GAN: variants seen among roughly 807,000 people sequenced by gnomAD.
GAN encodes the protein epididymis secretory sperm binding protein.
In GAN, 48 loss-of-function variants were observed where a neutral mutation model predicts 71.3. That is an observed-to-expected ratio of 0.67 (90% confidence interval 0.53 to 0.86). The LOEUF (loss-of-function observed/expected upper bound fraction) is 0.86, where lower values mean the gene tolerates loss of function less well. GAN is among the 40% of genes least tolerant of loss of function. The probability of loss-of-function intolerance (pLI) is 0.00; values close to 1 mark genes in which losing one functional copy is unlikely to be tolerated. For missense variants in GAN, 928 were observed against 770.1 expected (o/e 1.21, Z -2.43); for synonymous variants, 386 against 276.8 (o/e 1.39, Z -3.92).
chr16:81,387,322 G>A lies in GAN; in HGVS notation c.*9726G>A, dbSNP rs1249844811. ...TGCCAGTTGTTTCTCCTGCCCTAGGGGAGGTTGGCACGGCAACCTTCCCAC... is the reference window on the plus strand; with the variant it reads ...TGCCAGTTGTTTCTCCTGCCCTAGGAGAGGTTGGCACGGCAACCTTCCCAC... On this transcript the variant is annotated 3_prime_UTR_variant, in exon 11 of 11. Transcript: ENST00000648994. The A allele has an allele frequency of 6.6e-6, 1 of 152,154 alleles. No homozygotes were observed. The highest frequency in any genetic ancestry group is 1.5e-5 in the Non-Finnish European group (1 of 68,042). The allele number at this position is 152,154 out of a possible 1,614,324, so 9.4% of individuals were successfully genotyped here.
chr16:81,347,122 AC>A (rs1910143809), intron 1 of GAN, among the ~76,000 whole-genome samples: 1 of 152,216 alleles, frequency 6.6e-6, no homozygotes, highest in Non-Finnish European at 1.5e-5. Context: ...TTTTATTCTT[AC>A]ACTGTTTTCT....
chr16:81,373,680 C>T (rs1483208805), intron 9 of GAN, among the ~76,000 whole-genome samples: 1 of 152,164 alleles, frequency 6.6e-6, no homozygotes, highest in Non-Finnish European at 1.5e-5. Context: ...TTTCCAGATC[C>T]AATCCAGGAT....
At chr16:81,327,478 G>A (rs1909428344) in intron 1 of GAN, among the ~76,000 whole-genome samples, 1 of 152,118 alleles carries the variant, frequency 6.6e-6, no homozygotes, top group African/African-American at 2.4e-5. Flanking sequence ...GGAAAAAGGG[G>A]GCAGTCTCTT....
Position 81,315,131 on chromosome 16 carries a change from C to T in GAN, c.18C>T (p.Ala6=). 5 of 1,523,050 alleles carry T rather than the reference C, an allele frequency of 3.3e-6. No homozygotes were observed. Among genetic ancestry groups the T allele is most frequent in the Non-Finnish European group, 3.5e-6 (4 of 1,135,902 alleles). The allele number at this position is 1,523,050 out of a possible 1,614,324, so 94.3% of individuals were successfully genotyped here. Residue 6 remains alanine, a synonymous_variant, in exon 1 of 11, where the codon GCC becomes GCT. Transcript: ENST00000648994. ...GCGCCGCGATGGCTGAGGGCAGTGC[C>T]GTGTCTGACCCTCAGCACGCCGCGC... MAEGS[A]VSDPQHAARL...
At chr16:81,317,239 C>T (rs776974060) in intron 1 of GAN, among the ~76,000 whole-genome samples, 6 of 152,196 alleles carry the variant, frequency 3.9e-5, no homozygotes, top group African/African-American at 9.6e-5. Context: ...GAATGACTGC[C>T]TTTCTTTCTA....
intron 5 of GAN, among the ~76,000 whole-genome samples, chr16:81,359,724 C>A (rs2150688662): frequency 6.6e-6 from 1 of 152,226 alleles, no homozygotes; most frequent in Middle Eastern, 3.4e-3. Context: ...TTGTCTGAGA[C>A]CACAGATAGT....
intron 1 of GAN, among the ~76,000 whole-genome samples, chr16:81,351,217 T>C (rs2150683593): frequency 6.6e-6 from 1 of 152,316 alleles, no homozygotes; most frequent in Non-Finnish European, 1.5e-5. Flanking sequence ...TTGTTTTGGA[T>C]GGCAGGTTTG....
chr16:81,317,681 C>T (rs920599172), intron 1 of GAN, among the ~76,000 whole-genome samples: 6 of 152,246 alleles, frequency 3.9e-5, no homozygotes, highest in African/African-American at 7.2e-5. Context: ...AAATTAATTA[C>T]GGCTAACCGC....
chr16:81,315,372 C>A, intron 1 of GAN, 92 bp downstream of exon 1: 2 of 908,792 alleles, frequency 2.2e-6, no homozygotes, highest in Non-Finnish European at 2.9e-6. Flanking sequence ...AGACCCTGTC[C>A]CCTGTCCCCG....
chr16:81,319,206 T>TTATATATATATATA (rs57681055), intron 1 of GAN, among the ~76,000 whole-genome samples: 3,083 of 138,578 alleles, frequency 0.022, 62 homozygotes, highest in East Asian at 0.071. Flanking sequence ...TAGATATAGA[T>TTATATATATATATA]TATATATATA....
intron 9 of GAN, among the ~76,000 whole-genome samples, chr16:81,375,339 CTTT>C (rs59775874): frequency 2.9e-5 from 3 of 104,116 alleles, no homozygotes; most frequent in Non-Finnish European, 3.6e-5. Context: ...TTTAATTTAT[CTTT>C]TTTTTTTTTT....
chr16:81,342,298 A>C lies in GAN; in HGVS notation c.168-9285A>C, dbSNP rs569324263. On this transcript the variant is annotated intron_variant, in intron 1 of 10. Coordinates refer to ENST00000648994, the MANE Select transcript of GAN (RefSeq NM_022041.4). ...CCAAGCAGACCAAATAGACATCTAC[A>C]GAACTCTCCACCCCAAATCAACAGA... Among the ~76,000 whole-genome samples, 8 of 152,248 alleles carry C rather than the reference A, an allele frequency of 5.3e-5. No homozygotes were observed. The South Asian group carries it at 1.7e-3, about 32-fold the overall frequency.
intron 1 of GAN, among the ~76,000 whole-genome samples, chr16:81,324,101 C>T (rs1041418727): frequency 6.6e-6 from 1 of 152,126 alleles, no homozygotes; most frequent in Non-Finnish European, 1.5e-5. Context: ...ATAGTCTGCC[C>T]TAAAAGAATT....
chr16:81,366,065 A>G (rs185518397), intron 9 of GAN, among the ~76,000 whole-genome samples: 1 of 152,298 alleles, frequency 6.6e-6, no homozygotes, highest in East Asian at 1.9e-4. Flanking sequence ...CCCGCTGTCC[A>G]TCCAGTTAGC....
chr16:81,356,058 C>A (rs531488786), intron 3 of GAN, among the ~76,000 whole-genome samples: 1 of 152,294 alleles, frequency 6.6e-6, no homozygotes, highest in Non-Finnish European at 1.5e-5. Flanking sequence ...CTGCCCTCTT[C>A]TTGCCTTAAA....
chr16:81,330,598 A>T (rs926471916), intron 1 of GAN, among the ~76,000 whole-genome samples: 2 of 152,256 alleles, frequency 1.3e-5, no homozygotes, highest in Non-Finnish European at 1.5e-5. Context: ...TTCAATTCGT[A>T]TATGTAGAAG....
In GAN at chr16:81,371,644, C is replaced by G. The variant is rs544851232; in HGVS notation, c.1503-5575C>G. Reference sequence around the variant, plus strand: ...TGAGGGGTGCTTCTCTACCTCTCCTCTTTCTCAGGTTCTCCACCACACTTT... The same window carrying G: ...TGAGGGGTGCTTCTCTACCTCTCCTGTTTCTCAGGTTCTCCACCACACTTT... On this transcript the variant is annotated intron_variant, in intron 9 of 10. Coordinates refer to ENST00000648994, the MANE Select transcript of GAN (RefSeq NM_022041.4). Among the ~76,000 whole-genome samples, 5 of 152,290 alleles carry G rather than the reference C, an allele frequency of 3.3e-5. No individual in the cohort carries two copies. In the South Asian group the frequency reaches 1.0e-3, roughly 32 times the overall value.
rs1904392377 is a variant in GAN, at chr16:81,386,101, T to C, written c.*8505T>C. 1.3e-5 allele frequency: 2 copies of C among 152,218 alleles called. No homozygotes were observed. The highest frequency in any genetic ancestry group is 4.1e-4 in the South Asian group (2 of 4,832). 9.4% of individuals were successfully genotyped at this position (152,218 alleles called of 1,614,324 possible). On this transcript the variant is annotated 3_prime_UTR_variant, in exon 11 of 11. Transcript: ENST00000648994. ...CCTCTCTCCATCTACATCTCTAGTA[T>C]TTAAATTCAACACAATTCTAGATAG...
intron 1 of GAN, among the ~76,000 whole-genome samples, chr16:81,320,922 C>G (rs1429415678): frequency 6.6e-6 from 1 of 150,480 alleles, no homozygotes; most frequent in Non-Finnish European, 1.5e-5. Flanking sequence ...TTTTTTTTTC[C>G]TTTTTTCTTT....
Sources: allele counts gnomAD v4.1 joint callset (sites outside exome capture counted in the v4.1 genomes callset), GRCh38; gene constraint gnomAD v4.1.1; transcripts MANE v1.5; gene names NCBI Gene and HGNC (gene_info 2026-07-23, HGNC 2026-07-21).